PRKCA: variants seen among roughly 807,000 people sequenced by gnomAD.
PRKCA encodes protein kinase C alpha type.
A neutral mutation model predicts 87.0 loss-of-function variants in PRKCA; 27 were observed. The ratio of observed to expected loss-of-function variants is 0.31; its 90% CI spans 0.23 to 0.43. The LOEUF (loss-of-function observed/expected upper bound fraction) is 0.43. Among genes scored for constraint, PRKCA ranks in the 20% least tolerant of loss-of-function variants. PRKCA has a pLI of 1.00. For synonymous variants in PRKCA, 329 were observed against 311.1 expected (o/e 1.06, Z -0.61); for missense variants, 518 against 852.3 (o/e 0.61, Z 4.88).
At chr17:66,683,333 T>C (rs1384174616) in intron 5 of PRKCA, among the ~76,000 whole-genome samples, 1 of 152,242 alleles carries the variant, frequency 6.6e-6, no homozygotes, top group Non-Finnish European at 1.5e-5. Flanking sequence ...GATGTCAGTG[T>C]GCTAGGCCAG....
At chr17:66,428,371 A>C (rs1912925239) in intron 2 of PRKCA, among the ~76,000 whole-genome samples, 1 of 152,198 alleles carries the variant, frequency 6.6e-6, no homozygotes, top group Non-Finnish European at 1.5e-5. Flanking sequence ...CATGAACCAA[A>C]GATGATTTAT....
intron 3 of PRKCA, among the ~76,000 whole-genome samples, chr17:66,625,504 G>A (rs1412100708): frequency 2.6e-5 from 4 of 152,142 alleles, no homozygotes; most frequent in African/African-American, 4.8e-5. Context: ...GGACACATTC[G>A]CAGTAGTAGG....
chr17:66,649,429 C>G (rs1193976756), intron 5 of PRKCA, among the ~76,000 whole-genome samples: 1 of 152,192 alleles, frequency 6.6e-6, no homozygotes, highest in Non-Finnish European at 1.5e-5. Context: ...ATTTTATATT[C>G]ATTGCTTCAT....
In PRKCA at chr17:66,302,825, G is replaced by T; in HGVS notation, c.-27G>T. The stretch of plus-strand genomic sequence containing the variant: ...CCCTCCGCGGCCGCAGCTCCCCGGC[G>T]GAGGCAAGAGGTGGTTGGGGGGGAC... On this transcript the variant is annotated 5_prime_UTR_variant, in exon 1 of 17. Transcript: ENST00000413366. The T allele has an allele frequency of 3.4e-6, 5 of 1,491,364 alleles. No individual in the cohort carries two copies. The highest frequency in any genetic ancestry group is 4.5e-6 in the Non-Finnish European group (5 of 1,113,760). The allele number at this position is 1,491,364 out of a possible 1,614,324, so 92.4% of individuals were successfully genotyped here. A position where few individuals can be genotyped will look rare whatever the true frequency, so the allele number is the denominator to read the frequency against.
intron 8 of PRKCA, among the ~76,000 whole-genome samples, chr17:66,701,147 T>C (rs774813494): frequency 1.8e-4 from 27 of 152,010 alleles, no homozygotes; most frequent in Admixed American, 6.6e-5. Flanking sequence ...ACCCCACACA[T>C]ACGTGGTCAA....
chr17:66,708,327 A>G (rs565243069), intron 8 of PRKCA, among the ~76,000 whole-genome samples: 2 of 152,206 alleles, frequency 1.3e-5, no homozygotes, highest in African/African-American at 2.4e-5. Context: ...CCCAGCATCC[A>G]GGTGTGTGGT....
intron 5 of PRKCA, among the ~76,000 whole-genome samples, chr17:66,684,353 C>G (rs549840177): frequency 6.6e-6 from 1 of 152,294 alleles, no homozygotes; most frequent in South Asian, 2.1e-4. Flanking sequence ...TTGTCCACAA[C>G]CACAGAGTGG....
chr17:66,712,349 C>T (rs1973352395), intron 8 of PRKCA, among the ~76,000 whole-genome samples: 1 of 152,208 alleles, frequency 6.6e-6, no homozygotes, highest in African/African-American at 2.4e-5. Context: ...ACTTGTGTGG[C>T]CTGACGTGCC....
chr17:66,466,150 A>G (rs1567843712), intron 2 of PRKCA, among the ~76,000 whole-genome samples: 1 of 152,232 alleles, frequency 6.6e-6, no homozygotes, highest in Non-Finnish European at 1.5e-5. Context: ...TTAAGAAGTC[A>G]CTGAAATATG....
At chr17:66,634,402 T>C (rs1221828377) in intron 3 of PRKCA, among the ~76,000 whole-genome samples, 1 of 152,212 alleles carries the variant, frequency 6.6e-6, no homozygotes, top group African/African-American at 2.4e-5. Context: ...CACACTCCAC[T>C]TAATGACAGG....
In PRKCA at chr17:66,687,188, G is replaced by C. The variant is rs1368594029; in HGVS notation, c.607G>C (p.Asp203His). ...TTATGTGAAGCTGAAACTTATTCCT[G>C]ATCCCAAGAATGAAAGCAAGCAAAA... ...DPYVKLKLIP[D>H]PKNESKQKTK... is the part of the protein sequence containing the mutation. The change falls in exon 6 of 17, where the codon GAT becomes CAT. Residue 203 changes from aspartate to histidine, a missense_variant. Asp to His is a moderately conservative substitution (Grantham distance 81). This residue lies in a region of PRKCA where 300 missense variants were observed against 496.8 expected (regional missense o/e 0.60). Coordinates refer to ENST00000413366, the MANE Select transcript of PRKCA (RefSeq NM_002737.3). 1 of 1,613,830 alleles carries C rather than the reference G, an allele frequency of 6.2e-7. No individual in the cohort carries two copies. The highest frequency in any genetic ancestry group is 8.5e-7 in the Non-Finnish European group (1 of 1,179,946).
chr17:66,798,121 A>G (rs1975710495), intron 16 of PRKCA, among the ~76,000 whole-genome samples: 1 of 151,928 alleles, frequency 6.6e-6, no homozygotes, highest in Non-Finnish European at 1.5e-5. Context: ...TCTTTTACTC[A>G]TTCACTTGGC....
intron 3 of PRKCA, among the ~76,000 whole-genome samples, chr17:66,608,035 T>A (rs1056684701): frequency 1.3e-5 from 2 of 152,212 alleles, no homozygotes; most frequent in Admixed American, 1.3e-4. Flanking sequence ...GTGGTGCTGA[T>A]TATTGCATCC....
intron 13 of PRKCA, among the ~76,000 whole-genome samples, chr17:66,759,779 T>A (rs1974640153): frequency 6.6e-6 from 1 of 151,880 alleles, no homozygotes; most frequent in Non-Finnish European, 1.5e-5. Flanking sequence ...AAATTAGGAG[T>A]CACTATATTA....
intron 3 of PRKCA, among the ~76,000 whole-genome samples, chr17:66,500,270 G>T (rs906162336): frequency 6.6e-6 from 1 of 152,186 alleles, no homozygotes; most frequent in Non-Finnish European, 1.5e-5. Context: ...AGGGCTTTCT[G>T]CAGCCAAGGC....
At chr17:66,315,005 ATGTGTGTATATATATGTG>A (rs1209740116) in intron 2 of PRKCA, among the ~76,000 whole-genome samples, 1 of 151,858 alleles carries the variant, frequency 6.6e-6, no homozygotes, top group Non-Finnish European at 1.5e-5. Context: ...ATGTGTATAT[ATGTGTGTATATATATGTG>A]TGTGTGTATA....
chr17:66,485,509 G>A (rs143734093), intron 2 of PRKCA, among the ~76,000 whole-genome samples: 21 of 152,138 alleles, frequency 1.4e-4, no homozygotes, highest in Non-Finnish European at 2.4e-4. Flanking sequence ...CGTGAGAATC[G>A]AAGCCTGAGT....
chr17:66,368,382 ATATATTT>A (rs1908879784), intron 2 of PRKCA, among the ~76,000 whole-genome samples: 9 of 34,566 alleles, frequency 2.6e-4, no homozygotes, highest in Non-Finnish European at 4.0e-4. Context: ...ATATATATAT[ATATATTT>A]TTTTTTTTTT....
intron 5 of PRKCA, among the ~76,000 whole-genome samples, chr17:66,671,699 G>A (rs1972190244): frequency 2.6e-5 from 4 of 152,212 alleles, no homozygotes; most frequent in Admixed American, 2.6e-4. Flanking sequence ...AGCAGTGGAA[G>A]TAGAATTGCC....
Sources: allele counts gnomAD v4.1 joint callset (sites outside exome capture counted in the v4.1 genomes callset), GRCh38; gene constraint gnomAD v4.1.1; regional missense constraint gnomAD v4.1.1; transcripts MANE v1.5; gene names NCBI Gene and HGNC (gene_info 2026-07-23, HGNC 2026-07-21).